Variants in AGBL4 observed in about 807,000 individuals in gnomAD.
AGBL4 encodes AGBL carboxypeptidase 4, also known as cytosolic carboxypeptidase 6.
AGBL4 carries 58 observed loss-of-function variants against 66.4 expected under a neutral mutation model. That is an observed-to-expected ratio of 0.87 (90% confidence interval 0.71 to 1.09). The LOEUF (loss-of-function observed/expected upper bound fraction) is 1.09, where lower values mean the gene tolerates loss of function less well. Among genes scored for constraint, AGBL4 ranks in the 50% least tolerant of loss-of-function variants. AGBL4 has a pLI of 0.00. For missense variants in AGBL4, 579 were observed against 631.0 expected (o/e 0.92, Z 0.88); for synonymous variants, 234 against 222.9 (o/e 1.05, Z -0.44).
chr1:49,770,699 G>A (rs1273710724), intron 2 of AGBL4, among the ~76,000 whole-genome samples: 8 of 151,776 alleles, frequency 5.3e-5, no homozygotes, highest in African/African-American at 9.7e-5. Context: ...CTCACTTATT[G>A]TTCTGTTCAG....
chr1:49,850,475 T>C (rs760678459), intron 2 of AGBL4, among the ~76,000 whole-genome samples: 3 of 152,168 alleles, frequency 2.0e-5, no homozygotes, highest in Non-Finnish European at 4.4e-5. Flanking sequence ...AACTGAGTAC[T>C]GTGAAAGTAA....
chr1:48,829,557 C>CA (rs757901299), intron 6 of AGBL4, among the ~76,000 whole-genome samples: 40 of 151,994 alleles, frequency 2.6e-4, no homozygotes, highest in Non-Finnish European at 4.7e-4. Flanking sequence ...AGGAGGGGAT[C>CA]AAAAAGGTTC....
chr1:49,811,672 C>A (rs1479775834), intron 2 of AGBL4, among the ~76,000 whole-genome samples: 2 of 152,040 alleles, frequency 1.3e-5, no homozygotes, highest in Non-Finnish European at 2.9e-5. Flanking sequence ...CCAGATTGAT[C>A]TCGAACTCCT....
intron 3 of AGBL4, among the ~76,000 whole-genome samples, chr1:49,618,196 A>G (rs1233085904): frequency 6.6e-6 from 1 of 152,036 alleles, no homozygotes; most frequent in African/African-American, 2.4e-5. Flanking sequence ...ATCCTTTTTT[A>G]TGGCTGGATA....
At chr1:48,532,689 C>T (rs2246105), downstream of AGBL4, among the ~76,000 whole-genome samples, 133,123 of 152,186 alleles carry the variant, frequency 0.87, 58,772 homozygotes, top group Non-Finnish European at 0.94. Context: ...GACTTTGACA[C>T]GGGAACTGCT....
At chr1:48,790,112 C>A (rs1557996532) in intron 6 of AGBL4, among the ~76,000 whole-genome samples, 1 of 152,160 alleles carries the variant, frequency 6.6e-6, no homozygotes, top group Non-Finnish European at 1.5e-5. Flanking sequence ...AAACTGCCCC[C>A]AAGCTAAACA....
At chr1:49,928,825 G>GAA (rs550987234) in intron 1 of AGBL4, among the ~76,000 whole-genome samples, 1 of 137,660 alleles carries the variant, frequency 7.3e-6, no homozygotes. Context: ...TATCCTCAAA[G>GAA]AAAAAAAAAA....
chr1:49,488,588 T>G (rs1647119033), intron 3 of AGBL4, among the ~76,000 whole-genome samples: 1 of 151,786 alleles, frequency 6.6e-6, no homozygotes, highest in Admixed American at 6.6e-5. Flanking sequence ...TACACACAAT[T>G]AAATTATTGA....
At chr1:48,668,304 A>G (rs1646221877) in intron 6 of AGBL4, among the ~76,000 whole-genome samples, 2 of 152,128 alleles carry the variant, frequency 1.3e-5, no homozygotes, top group South Asian at 4.1e-4. Context: ...CACCCTTTCC[A>G]GTGCACCCTC....
chr1:48,726,606 A>G (rs1647290286), intron 6 of AGBL4, among the ~76,000 whole-genome samples: 1 of 152,174 alleles, frequency 6.6e-6, no homozygotes, highest in African/African-American at 2.4e-5. Flanking sequence ...CTTATTACTG[A>G]TAAGAACTCT....
At chr1:48,776,925 G>A (rs1645126734) in intron 6 of AGBL4, 2 of 634,468 alleles carry the variant, frequency 3.2e-6, no homozygotes, top group Non-Finnish European at 5.0e-6. Context: ...TCTCGCTACG[G>A]TGCTGGGGGG....
intron 3 of AGBL4, among the ~76,000 whole-genome samples, chr1:49,381,674 T>G (rs1644614210): frequency 6.6e-6 from 1 of 151,904 alleles, no homozygotes; most frequent in South Asian, 2.1e-4. Flanking sequence ...CCATAAAAAA[T>G]GATGAGTTCA....
chr1:49,656,480 G>A (rs545556417), intron 3 of AGBL4, among the ~76,000 whole-genome samples: 34 of 152,278 alleles, frequency 2.2e-4, no homozygotes, highest in African/African-American at 8.2e-4. Context: ...AATAGAAAAA[G>A]AGGGAATACT....
intron 5 of AGBL4, among the ~76,000 whole-genome samples, chr1:49,029,107 T>C (rs1211782612): frequency 6.6e-6 from 1 of 152,140 alleles, no homozygotes; most frequent in Non-Finnish European, 1.5e-5. Flanking sequence ...GCTAATGTCA[T>C]ATTTAATGGT....
intron 1 of AGBL4, among the ~76,000 whole-genome samples, chr1:49,948,027 A>AAT (rs369140618): frequency 0.85 from 64,381 of 75,966 alleles, 27,935 homozygotes; most frequent in Non-Finnish European, 0.92. Context: ...AATATATATA[A>AAT]ATATATATAC....
intron 5 of AGBL4, among the ~76,000 whole-genome samples, chr1:48,911,736 T>C (rs1653130664): frequency 6.6e-6 from 1 of 152,132 alleles, no homozygotes; most frequent in Admixed American, 6.5e-5. Context: ...CACTCATATA[T>C]GGTAGTTACT....
intron 11 of AGBL4, among the ~76,000 whole-genome samples, chr1:48,542,529 C>T (rs1644091360): frequency 6.6e-6 from 1 of 152,218 alleles, no homozygotes; most frequent in Non-Finnish European, 1.5e-5. Flanking sequence ...TTAACGATCG[C>T]CATTCTAACT....
intron 4 of AGBL4, among the ~76,000 whole-genome samples, chr1:49,193,133 C>T (rs2148211717): frequency 6.6e-6 from 1 of 152,132 alleles, no homozygotes; most frequent in Non-Finnish European, 1.5e-5. Flanking sequence ...AGCAGTTTAT[C>T]AATTTTAACT....
chr1:49,514,141 G>C (rs997869998), intron 3 of AGBL4, among the ~76,000 whole-genome samples: 2 of 151,788 alleles, frequency 1.3e-5, no homozygotes, highest in Non-Finnish European at 2.9e-5. Context: ...GGGTTTTCTA[G>C]ATAAACAATC....
Sources: gnomAD v4.1 joint callset for allele counts (sites outside exome capture counted in the v4.1 genomes callset) on GRCh38, gnomAD v4.1.1 for gene constraint, MANE v1.5 for transcripts, NCBI Gene and HGNC (gene_info 2026-07-23, HGNC 2026-07-21) for gene names.